COP1: variants seen among roughly 807,000 people sequenced by gnomAD.
COP1 encodes COP1 E3 ubiquitin ligase.
In COP1, 24 loss-of-function variants were observed where a neutral mutation model predicts 101.3. The ratio of observed to expected loss-of-function variants is 0.24; its 90% CI spans 0.17 to 0.33. The LOEUF (loss-of-function observed/expected upper bound fraction) is 0.33. Ranked by LOEUF, COP1 falls within the 10% of genes least tolerant of loss-of-function variation. The pLI is 1.00. For synonymous variants in COP1, 347 were observed against 341.9 expected (o/e 1.01, Z -0.17); for missense variants, 663 against 906.2 (o/e 0.73, Z 3.45).
chr1:175,955,247 CAAAAA>C (rs576531899), intron 18 of COP1, among the ~76,000 whole-genome samples: 1 of 150,540 alleles, frequency 6.6e-6, no homozygotes, highest in Non-Finnish European at 1.5e-5. Flanking sequence ...TGCCTCAAAA[CAAAAA>C]AAAGAAAAAG....
At chr1:176,044,674 G>A (rs535216268) in intron 12 of COP1, among the ~76,000 whole-genome samples, 17 of 152,300 alleles carry the variant, frequency 1.1e-4, no homozygotes, top group Admixed American at 9.2e-4. Flanking sequence ...TTCCAGATCT[G>A]TTACTTATTA....
At chr1:175,991,246 G>A (rs878940614) in intron 15 of COP1, among the ~76,000 whole-genome samples, 1 of 152,132 alleles carries the variant, frequency 6.6e-6, no homozygotes, top group Admixed American at 6.5e-5. Flanking sequence ...CTTAGGTTAT[G>A]TGGAATAGCC....
chr1:176,182,299 G>A (rs1256120205), intron 2 of COP1, among the ~76,000 whole-genome samples: 2 of 152,356 alleles, frequency 1.3e-5, no homozygotes, highest in East Asian at 3.9e-4. Flanking sequence ...AGCAGAGAGT[G>A]AGTAACTTGA....
At chr1:176,163,095 C>G in intron 4 of COP1, 107 bp from the exon 5 acceptor site, 1 of 1,100,890 alleles carries the variant, frequency 9.1e-7, no homozygotes, top group Admixed American at 3.0e-5. Flanking sequence ...ACATAGATAT[C>G]GAAAATATAT....
At chr1:175,969,182 C>G (rs1652742148) in intron 18 of COP1, among the ~76,000 whole-genome samples, 1 of 152,178 alleles carries the variant, frequency 6.6e-6, no homozygotes, top group Non-Finnish European at 1.5e-5. Context: ...TCTGCTTAAT[C>G]CTTTTAGACA....
intron 15 of COP1, among the ~76,000 whole-genome samples, chr1:176,014,526 T>A (rs573887094): frequency 6.6e-6 from 1 of 152,326 alleles, no homozygotes; most frequent in South Asian, 2.1e-4. Flanking sequence ...TTTAAGGCTA[T>A]ATGGACATTT....
intron 15 of COP1, among the ~76,000 whole-genome samples, chr1:176,013,620 G>A (rs1029022927): frequency 6.6e-6 from 1 of 152,028 alleles, no homozygotes; most frequent in Non-Finnish European, 1.5e-5. Context: ...GACTACAAAT[G>A]TATTTCAACT....
At chr1:176,155,283 C>T (rs1693275308) in intron 5 of COP1, among the ~76,000 whole-genome samples, 2 of 151,824 alleles carry the variant, frequency 1.3e-5, no homozygotes, top group African/African-American at 4.8e-5. Context: ...TGAATAAAAC[C>T]AAAGGGGTCA....
At chr1:176,144,028 T>C (rs1382757157) in intron 6 of COP1, among the ~76,000 whole-genome samples, 1 of 152,104 alleles carries the variant, frequency 6.6e-6, no homozygotes, top group Non-Finnish European at 1.5e-5. Flanking sequence ...GTTGAATGCT[T>C]TCACTTTGAG....
At chr1:175,945,311 T>G in intron 19 of COP1, 141 bp from the exon 20 acceptor site, 2 of 619,520 alleles carry the variant, frequency 3.2e-6, no homozygotes, top group Non-Finnish European at 5.6e-6. Flanking sequence ...AGAATTTGAA[T>G]GGATTGGACA....
chr1:176,143,756 G>A (rs1378299157), intron 6 of COP1, among the ~76,000 whole-genome samples: 3 of 152,050 alleles, frequency 2.0e-5, no homozygotes, highest in African/African-American at 7.2e-5. Flanking sequence ...AGACACCCCT[G>A]GGCCAATCAG....
chr1:176,035,994 T>C (rs545752805), intron 14 of COP1, among the ~76,000 whole-genome samples: 1 of 152,148 alleles, frequency 6.6e-6, no homozygotes, highest in African/African-American at 2.4e-5. Context: ...AATTTAAATA[T>C]ACTTTAAACA....
chr1:176,016,254 A>T (rs1313194683), intron 15 of COP1, among the ~76,000 whole-genome samples: 1 of 152,164 alleles, frequency 6.6e-6, no homozygotes, highest in Non-Finnish European at 1.5e-5. Flanking sequence ...AGAGAGTGAC[A>T]AGAGAACAGA....
At chr1:176,004,111 C>G (rs1662482435) in intron 15 of COP1, among the ~76,000 whole-genome samples, 1 of 150,594 alleles carries the variant, frequency 6.6e-6, no homozygotes, top group African/African-American at 2.4e-5. Context: ...CTCTTTGAAG[C>G]AATTGTGAAT....
chr1:176,122,450 T>C (rs1233569392), intron 8 of COP1, among the ~76,000 whole-genome samples: 2 of 152,162 alleles, frequency 1.3e-5, no homozygotes, highest in African/African-American at 4.8e-5. Flanking sequence ...TGGAAACTTA[T>C]ATATCATACA....
intron 2 of COP1, among the ~76,000 whole-genome samples, chr1:176,179,319 A>T (rs1697417044): frequency 6.6e-6 from 1 of 152,062 alleles, no homozygotes; most frequent in Admixed American, 6.5e-5. Context: ...TAATAAAGAT[A>T]AGAGATGGGT....
chr1:175,956,413 T>C (rs1650657803), intron 18 of COP1, among the ~76,000 whole-genome samples: 1 of 150,918 alleles, frequency 6.6e-6, no homozygotes, highest in Non-Finnish European at 1.5e-5. Flanking sequence ...GCTGAAACAA[T>C]AAAACTTCAA....
At chr1:175,995,730 G>A (rs1659970979) in intron 15 of COP1, among the ~76,000 whole-genome samples, 2 of 152,104 alleles carry the variant, frequency 1.3e-5, no homozygotes, top group Admixed American at 1.3e-4. Flanking sequence ...ACCAATAACA[G>A]GCTCTGAAAT....
At chr1:176,112,777 T>C (rs2149573901) in intron 9 of COP1, among the ~76,000 whole-genome samples, 1 of 152,252 alleles carries the variant, frequency 6.6e-6, no homozygotes, top group South Asian at 2.1e-4. Context: ...ATCCACTTTT[T>C]TTTGGCTCCC....
Sources: allele counts gnomAD v4.1 joint callset (sites outside exome capture counted in the v4.1 genomes callset), GRCh38; gene constraint gnomAD v4.1.1; transcripts MANE v1.5; gene names NCBI Gene and HGNC (gene_info 2026-07-23, HGNC 2026-07-21).